The following ALOX12B variants were observed in gnomAD, a reference collection of about 807,000 sequenced individuals.
ALOX12B encodes arachidonate 12-lipoxygenase, 12R type.
Under a neutral mutation model 78.9 loss-of-function variants are expected in ALOX12B, and 47 were observed. The observed-to-expected ratio is 0.60, with a 90% CI of 0.47 to 0.76. The LOEUF (loss-of-function observed/expected upper bound fraction) is 0.76, where lower values mean the gene tolerates loss of function less well. Among genes scored for constraint, ALOX12B ranks in the 30% least tolerant of loss-of-function variants. The pLI, the probability that ALOX12B is intolerant of heterozygous loss-of-function variation, is 0.00. For missense variants in ALOX12B, 805 were observed against 922.6 expected (o/e 0.87, Z 1.65); for synonymous variants, 370 against 374.5 (o/e 0.99, Z 0.14).
intron 1 of ALOX12B, among the ~76,000 whole-genome samples, chr17:8,086,913 T>C (rs60845176): frequency 0.081 from 12,202 of 150,026 alleles, 1,528 homozygotes; most frequent in African/African-American, 0.27. Flanking sequence ...AAAAGAGAGA[T>C]GCAGGATAGG....
At chr17:8,083,544 C>T (rs1978289803) in intron 2 of ALOX12B, among the ~76,000 whole-genome samples, 1 of 151,908 alleles carries the variant, frequency 6.6e-6, no homozygotes, top group Non-Finnish European at 1.5e-5. Context: ...GCCTGACCAA[C>T]ATGATGAAAC....
Position 8,080,345 on chromosome 17 carries a change from G to GA in ALOX12B, c.651-8dup, listed in dbSNP as rs1567983197. ...GACTTTGAAAGCCAGTGCCCTAGGA[G>GA]ATGGGATTCCAGGAAGAGGCCTTCA... On this transcript the variant is annotated splice_polypyrimidine_tract_variant and splice_region_variant and intron_variant, in intron 5 of 14. Transcript: ENST00000647874. The surrounding 1 kb of genome is among the most constrained non-coding windows in gnomAD (Gnocchi z 4.8). The GA allele has an allele frequency of 6.2e-7, 1 of 1,614,098 alleles. No individual in the cohort carries two copies. Among genetic ancestry groups the GA allele is most frequent in the South Asian group, 1.1e-5 (1 of 91,090 alleles).
intron 2 of ALOX12B, 72 bp from the exon 3 acceptor site, chr17:8,081,259 G>A (rs1428572107): frequency 2.7e-6 from 4 of 1,508,842 alleles, no homozygotes; most frequent in Non-Finnish European, 3.7e-6. Flanking sequence ...CAGGAGTTCA[G>A]CTTCTGTGCC....
At chr17:8,075,897 C>A (rs1977070215) in intron 11 of ALOX12B, among the ~76,000 whole-genome samples, 181 bp from the exon 12 acceptor site, 1 of 152,158 alleles carries the variant, frequency 6.6e-6, no homozygotes, top group African/African-American at 2.4e-5. Flanking sequence ...CAGAACACAC[C>A]CAGAGCACTC....
Position 8,086,401 on chromosome 17 carries a change from G to T in ALOX12B, c.148-181C>A, listed in dbSNP as rs192259653. Among the ~76,000 whole-genome samples the T allele has an allele frequency of 2.6e-4, 39 of 152,194 alleles. No homozygotes were observed. In the East Asian group the frequency reaches 6.2e-3, roughly 24 times the overall value. ...TTCCTTCTGACTTCTCCAGCTTGGGGGTCTCCTACTGGATTCCTCTACCCA... is the reference window on the plus strand; with the variant it reads ...TTCCTTCTGACTTCTCCAGCTTGGGTGTCTCCTACTGGATTCCTCTACCCA... On this transcript the variant is annotated intron_variant, in intron 1 of 14. Coordinates refer to ENST00000647874, the MANE Select transcript of ALOX12B (RefSeq NM_001139.3).
chr17:8,077,076 C>T lies in ALOX12B; in HGVS notation c.1189G>A (p.Ala397Thr), dbSNP rs562084711. ...YAEFYSHEAI[A>T]HLLETHLIAE... is the part of the protein sequence containing the mutation. ...ATGAGGTGTGTCTCCAGCAGGTGGGCGATGGCCTCGTGGCTGTAGAACTCC... is the reference window on the plus strand; with the variant it reads ...ATGAGGTGTGTCTCCAGCAGGTGGGTGATGGCCTCGTGGCTGTAGAACTCC... Residue 397 changes from alanine to threonine, a missense_variant, in exon 9 of 15, where the codon GCC (alanine) becomes ACC (threonine). Physicochemically the swap from Ala to Thr is moderately conservative, Grantham distance 58. Transcript: ENST00000647874. 9 of 1,614,010 alleles carry T rather than the reference C, an allele frequency of 5.6e-6. No individual in the cohort carries two copies. In the African/African-American group the frequency reaches 8.0e-5, roughly 14 times the overall value.
rs1977218396 is a variant in ALOX12B, at chr17:8,081,552, A to G, written c.353-365T>C. ...GTTACCCATCACCCAAATAAAGTATATTGTACCCATTAAGTAATTTCTCAT... is the reference window on the plus strand; with the variant it reads ...GTTACCCATCACCCAAATAAAGTATGTTGTACCCATTAAGTAATTTCTCAT... On this transcript the variant is annotated intron_variant, in intron 2 of 14. Transcript: ENST00000647874. 3 of 344,314 alleles carry G rather than the reference A, an allele frequency of 8.7e-6. No homozygotes were observed. In the South Asian group the frequency reaches 9.0e-5, roughly 10 times the overall value. The allele number at this position is 344,314 out of a possible 1,614,324, so 21.3% of individuals were successfully genotyped here.
Position 8,080,338 on chromosome 17 carries a change from C to T in ALOX12B, c.651G>A (p.Met217Ile), listed in dbSNP as rs1977186698. The stretch of plus-strand genomic sequence containing the variant: ...GGCCGCGGACTTTGAAAGCCAGTGC[C>T]CTAGGAGATGGGATTCCAGGAAGAG... ...TASFFVRLGP[M>I]ALAFKVRGLL... Residue 217 changes from methionine (M) to isoleucine (I), a missense_variant and splice_region_variant, in exon 6 of 15, where the codon ATG becomes ATA. Physicochemically the swap from Met to Ile is conservative, Grantham distance 10. Coordinates refer to ENST00000647874, the MANE Select transcript of ALOX12B (RefSeq NM_001139.3). This position sits in a 1 kb window ranked among gnomAD's most constrained non-coding sequence, Gnocchi z 4.8. 3.1e-6 allele frequency: 5 copies of T among 1,614,136 alleles called. No homozygotes were observed. The highest frequency in any genetic ancestry group is 4.2e-6 in the Non-Finnish European group (5 of 1,179,986).
chr17:8,074,723 C>T (rs576568233), intron 12 of ALOX12B, among the ~76,000 whole-genome samples: 3 of 152,302 alleles, frequency 2.0e-5, no homozygotes, highest in Non-Finnish European at 2.9e-5. Flanking sequence ...CCGTGGCTCA[C>T]GGCCTCAGCC....
rs199880378 is a variant in ALOX12B at position 8,076,329 on chromosome 17, C to T, written c.1378G>A (p.Val460Met). The part of the protein sequence containing the change: ...GLSAKGMSLG[V>M]EGFAGVMVRA... ...ACCATCACCCCAGCAAAGCCTTCCA[C>T]GCCCAGGGACATGCCCTGTGAGGAA... is the stretch of plus-strand genomic sequence containing the variant. Residue 460 changes from valine to methionine, a missense_variant, in exon 11 of 15, where the codon GTG (valine) becomes ATG (methionine). By Grantham distance (21) the Val-to-Met change is conservative. Transcript: ENST00000647874. 2.7e-5 allele frequency: 44 copies of T among 1,605,638 alleles called. 1 individual carries two copies. The highest frequency in any genetic ancestry group is 1.2e-4 in the African/African-American group (9 of 74,762).
rs891624718 is a variant in ALOX12B, at chr17:8,086,153, T to G, written c.215A>C (p.Glu72Ala). The change falls in exon 2 of 15, where the codon GAG becomes GCG. Residue 72 changes from glutamate to alanine, a missense_variant. Transcript: ENST00000647874. ...GTCCTTGGGGAAGAAGGCGTACCGC[T>G]CTTTGTGCAGGCGGATGATGATGAG... ...GELIIIRLHK[E>A]RYAFFPKDPW... 1.2e-6 allele frequency: 2 copies of G among 1,614,104 alleles called. No individual in the cohort carries two copies. The highest frequency in any genetic ancestry group is 1.7e-6 in the Non-Finnish European group (2 of 1,180,002).
At chr17:8,085,401 C>T (rs1978293830) in intron 2 of ALOX12B, among the ~76,000 whole-genome samples, 1 of 152,094 alleles carries the variant, frequency 6.6e-6, no homozygotes, top group Non-Finnish European at 1.5e-5. Context: ...GAGCCGAGAT[C>T]GTGCCATTGC....
At chr17:8,075,314 G>C (rs1977057241) in intron 12 of ALOX12B, among the ~76,000 whole-genome samples, 1 of 152,194 alleles carries the variant, frequency 6.6e-6, no homozygotes, top group Non-Finnish European at 1.5e-5. Flanking sequence ...TGTTTCTGGG[G>C]TGGGGCTGGG....
chr17:8,080,696 G>T lies in ALOX12B; in HGVS notation c.612C>A (p.Phe204Leu). The T allele has an allele frequency of 6.2e-7, 1 of 1,614,208 alleles. No homozygotes were observed. Among genetic ancestry groups the T allele is most frequent in the Non-Finnish European group, 8.5e-7 (1 of 1,180,040 alleles). ...KFLNLNLRYS[F>L]LKTASFFVRL... ...GGACGAAGAAGGAGGCCGTCTTGAG[G>T]AAGGAGTAGCGGAGATTTAAGTTCA... The change falls in exon 5 of 15, where the codon TTC becomes TTA. Residue 204 changes from phenylalanine to leucine, a missense_variant. Physicochemically the swap from Phe to Leu is conservative, Grantham distance 22. Transcript: ENST00000647874. This position sits in a 1 kb window ranked among gnomAD's most constrained non-coding sequence, Gnocchi z 4.8.
intron 8 of ALOX12B, among the ~76,000 whole-genome samples, chr17:8,077,633 C>G (rs1038088081): frequency 3.9e-5 from 6 of 152,184 alleles, no homozygotes; most frequent in African/African-American, 1.2e-4. Flanking sequence ...TCTGGCCCAT[C>G]CCCCCAGAGG....
rs771062878 is a variant in ALOX12B at position 8,072,907 on chromosome 17, G to C, written c.1970C>G (p.Ala657Gly). ...HFPDIHFVEE[A>G]PRRSIEAFRQ... is the part of the protein sequence containing the mutation. Reference sequence around the variant, plus strand: ...GAACGCCTCTATGCTCCTCCGCGGGGCCTCCTCCACGAAGTGAATGTCCGG... The same window carrying C: ...GAACGCCTCTATGCTCCTCCGCGGGCCCTCCTCCACGAAGTGAATGTCCGG... The change falls in exon 15 of 15, where the codon GCC becomes GGC. Residue 657 changes from alanine (A) to glycine (G), a missense_variant. Physicochemically the swap from Ala to Gly is moderately conservative, Grantham distance 60. Transcript: ENST00000647874. 1.2e-6 allele frequency: 2 copies of C among 1,613,956 alleles called. No individual in the cohort carries two copies. Among genetic ancestry groups the C allele is most frequent in the South Asian group, 1.1e-5 (1 of 91,068 alleles).
intron 13 of ALOX12B, 90 bp from the exon 14 acceptor site, chr17:8,073,408 T>A: frequency 6.4e-7 from 1 of 1,551,286 alleles, no homozygotes; most frequent in Non-Finnish European, 8.8e-7. Context: ...CTCCAGTCGC[T>A]GAGATGGACT....
At chr17:8,081,043 T>A in intron 3 of ALOX12B, 63 bp downstream of exon 3, 1 of 1,612,624 alleles carries the variant, frequency 6.2e-7, no homozygotes, top group South Asian at 1.1e-5. Flanking sequence ...GCCAGAGCCA[T>A]CACTGCCCCC....
At chr17:8,087,157 C>A in intron 1 of ALOX12B, 139 bp downstream of exon 1, 1 of 1,297,788 alleles carries the variant, frequency 7.7e-7, no homozygotes, top group Non-Finnish European at 1.1e-6. Context: ...CCTCGCCAAG[C>A]TCAGCTCACC....
Sources: gnomAD v4.1 joint callset for allele counts (sites outside exome capture counted in the v4.1 genomes callset) on GRCh38, gnomAD v4.1.1 for gene constraint, Gnocchi (gnomAD v3.1) non-coding constraint, MANE v1.5 for transcripts, NCBI Gene and HGNC (gene_info 2026-07-23, HGNC 2026-07-21) for gene names.